CNOT4: variants seen among roughly 807,000 people sequenced by gnomAD.
CNOT4 encodes CCR4-NOT transcription complex subunit 4.
CNOT4 carries 8 observed loss-of-function variants against 73.8 expected under a neutral mutation model. The observed-to-expected ratio is 0.11, with a 90% confidence interval of 0.06 to 0.20. The LOEUF is 0.20. Among genes scored for constraint, CNOT4 ranks in the 10% least tolerant of loss-of-function variants. The probability of loss-of-function intolerance (pLI) is 1.00; values close to 1 mark genes in which losing one functional copy is unlikely to be tolerated. For synonymous variants in CNOT4, 293 were observed against 321.1 expected, an observed-to-expected ratio of 0.91 and a Z score of 0.94; for missense variants, 564 against 883.4, an observed-to-expected ratio of 0.64 and a Z score of 4.58.
chr7:135,369,724 T>C (rs1480775475), intron 10 of CNOT4, among the ~76,000 whole-genome samples: 5 of 152,222 alleles, frequency 3.3e-5, no homozygotes. Context: ...GAATAACCTG[T>C]CTTAGCTCCT....
chr7:135,496,290 G>A (rs1157842919), intron 1 of CNOT4, among the ~76,000 whole-genome samples: 2 of 152,020 alleles, frequency 1.3e-5, no homozygotes, highest in Non-Finnish European at 2.9e-5. Flanking sequence ...ACGGGGTTTC[G>A]CCATGTTGGC....
intron 10 of CNOT4, among the ~76,000 whole-genome samples, chr7:135,389,209 T>C (rs572294221): frequency 2.5e-4 from 36 of 143,944 alleles, no homozygotes; most frequent in Non-Finnish European, 3.6e-4. Flanking sequence ...TCCAAGCCAA[T>C]TGGACCCTTA....
At chr7:135,423,354 C>T (rs949800414) in intron 2 of CNOT4, among the ~76,000 whole-genome samples, 1 of 145,976 alleles carries the variant, frequency 6.9e-6, no homozygotes, top group Non-Finnish European at 1.5e-5. Context: ...AGAAATAATG[C>T]CAAACCAAAA....
At chr7:135,472,739 T>C (rs1188943734) in intron 1 of CNOT4, among the ~76,000 whole-genome samples, 1 of 151,156 alleles carries the variant, frequency 6.6e-6, no homozygotes, top group Non-Finnish European at 1.5e-5. Context: ...AAATAAATCT[T>C]TTAAAAGATG....
At chr7:135,498,798 C>T (rs574702269) in intron 1 of CNOT4, among the ~76,000 whole-genome samples, 62 of 152,250 alleles carry the variant, frequency 4.1e-4, no homozygotes, top group African/African-American at 1.3e-3. Flanking sequence ...CCACCTGCCT[C>T]GGCCTCCCAA....
At chr7:135,375,971 G>C (rs1795494445) in intron 10 of CNOT4, among the ~76,000 whole-genome samples, 1 of 151,752 alleles carries the variant, frequency 6.6e-6, no homozygotes, top group Admixed American at 6.6e-5. Context: ...TGTGTGTACA[G>C]GGGGTGTTGG....
rs1233737481 is a variant in CNOT4, at chr7:135,410,037, C to T, written c.821+478G>A. On this transcript the variant is annotated intron_variant, in intron 7 of 11. Transcript: ENST00000541284. ...TAAGTAAGATTCTGAATATGGGATA[C>T]TCCCTGTTCATTTACAGGATTTAAA... Among the ~76,000 whole-genome samples the T allele has an allele frequency of 3.3e-5, 5 of 152,164 alleles. No homozygotes were observed. The East Asian group carries it at 5.8e-4, about 18-fold the overall frequency.
chr7:135,426,246 C>T (rs561446112), intron 2 of CNOT4, among the ~76,000 whole-genome samples: 7 of 151,808 alleles, frequency 4.6e-5, no homozygotes, highest in South Asian at 4.2e-4. Flanking sequence ...AAACCAAACA[C>T]GAATAACTGC....
intron 10 of CNOT4, chr7:135,387,708 C>T: frequency 1.0e-6 from 1 of 984,646 alleles, no homozygotes; most frequent in South Asian, 4.7e-5. Flanking sequence ...AAACTAAGTA[C>T]AGTTTCTTTT....
At chr7:135,397,493 T>C (rs909044668) in intron 8 of CNOT4, among the ~76,000 whole-genome samples, 1 of 152,050 alleles carries the variant, frequency 6.6e-6, no homozygotes, top group African/African-American at 2.4e-5. Flanking sequence ...TTTAGATCTC[T>C]AAGTTTTTCA....
chr7:135,399,017 AT>A (rs1207416189), intron 7 of CNOT4, among the ~76,000 whole-genome samples: 4 of 152,258 alleles, frequency 2.6e-5, no homozygotes, highest in African/African-American at 9.6e-5. Flanking sequence ...TTATTTTCAC[AT>A]AGAGAAAATG....
intron 10 of CNOT4, chr7:135,387,667 G>T: frequency 1.0e-6 from 1 of 984,928 alleles, no homozygotes. Flanking sequence ...ATATGGTCAT[G>T]TTTTCTGAAT....
chr7:135,470,967 A>C (rs925281375), intron 1 of CNOT4, among the ~76,000 whole-genome samples: 1 of 152,218 alleles, frequency 6.6e-6, no homozygotes, highest in African/African-American at 2.4e-5. Flanking sequence ...ATTTCATTGT[A>C]TATAATTGAC....
rs1467226841 is a variant in CNOT4 at position 135,363,435 on chromosome 7, A to G, written c.1841-249T>C. Among the ~76,000 whole-genome samples the G allele has an allele frequency of 6.6e-6, 1 of 152,182 alleles. No individual in the cohort carries two copies. Among genetic ancestry groups the G allele is most frequent in the Non-Finnish European group, 1.5e-5 (1 of 68,018 alleles). On this transcript the variant is annotated intron_variant, in intron 11 of 11. Transcript: ENST00000541284. This position sits in a 1 kb window ranked among gnomAD's most constrained non-coding sequence, Gnocchi z 4.3. ...CACAGAGGCAGAGCTGCAAAACACC[A>G]TTCCCCAGAACTGCCTGATGGCATT... is the stretch of plus-strand genomic sequence containing the variant.
intron 1 of CNOT4, among the ~76,000 whole-genome samples, chr7:135,457,379 A>G (rs185531166): frequency 6.6e-6 from 1 of 152,068 alleles, no homozygotes; most frequent in Non-Finnish European, 1.5e-5. Context: ...GGCTAAGTCA[A>G]AATCTGTATC....
chr7:135,444,700 C>T, intron 1 of CNOT4: 1 of 1,245,520 alleles, frequency 8.0e-7, no homozygotes, highest in Non-Finnish European at 1.2e-6. Context: ...CTTCCGGCTG[C>T]TTGTTTGAAT....
intron 1 of CNOT4, among the ~76,000 whole-genome samples, chr7:135,496,185 C>G (rs1028196256): frequency 6.6e-6 from 1 of 152,164 alleles, no homozygotes; most frequent in African/African-American, 2.4e-5. Flanking sequence ...CTCCACCTCC[C>G]GGGTTCAAGT....
At chr7:135,387,349 T>A (rs1488358486) in intron 10 of CNOT4, 1 of 985,118 alleles carries the variant, frequency 1.0e-6, no homozygotes, top group Non-Finnish European at 1.2e-6. Context: ...AGAATAGATT[T>A]TTGTTTACCT....
intron 1 of CNOT4, among the ~76,000 whole-genome samples, chr7:135,461,745 T>C (rs1045213190): frequency 6.6e-6 from 1 of 152,002 alleles, no homozygotes; most frequent in Non-Finnish European, 1.5e-5. Context: ...GGTGGGAGAA[T>C]TGCTTGAACC....
Sources: allele counts gnomAD v4.1 joint callset (sites outside exome capture counted in the v4.1 genomes callset), GRCh38; gene constraint gnomAD v4.1.1; non-coding constraint Gnocchi (gnomAD v3.1); transcripts MANE v1.5; gene names NCBI Gene and HGNC (gene_info 2026-07-23, HGNC 2026-07-21).